The following PRKG1 variants were observed in gnomAD, a reference collection of about 807,000 sequenced individuals.
PRKG1 encodes the protein protein kinase cGMP-dependent 1, also known as cGMP-dependent protein kinase 1.
Under a neutral mutation model 88.1 loss-of-function variants are expected in PRKG1, and 35 were observed. The observed-to-expected ratio is 0.40, with a 90% CI of 0.30 to 0.53. PRKG1 has a LOEUF of 0.53. PRKG1 is among the 20% of genes least tolerant of loss of function. The pLI, the probability that PRKG1 is intolerant of heterozygous loss-of-function variation, is 0.59. For synonymous variants in PRKG1, 303 were observed against 292.5 expected (o/e 1.04, Z -0.37); for missense variants, 540 against 839.8 (o/e 0.64, Z 4.41).
At chr10:51,641,968 G>T (rs1456517016) in intron 3 of PRKG1, among the ~76,000 whole-genome samples, 18 of 152,106 alleles carry the variant, frequency 1.2e-4, no homozygotes, top group Non-Finnish European at 1.5e-5. Flanking sequence ...ATGCAAAGGT[G>T]AAAGGGGGAA....
intron 3 of PRKG1, among the ~76,000 whole-genome samples, chr10:51,590,469 T>G (rs966779360): frequency 4.6e-5 from 7 of 152,330 alleles, no homozygotes; most frequent in Admixed American, 4.6e-4. Context: ...TCTTTTTACT[T>G]TCATATATTC....
chr10:52,241,408 C>G (rs1188530580), intron 9 of PRKG1, among the ~76,000 whole-genome samples: 2 of 152,172 alleles, frequency 1.3e-5, no homozygotes, highest in East Asian at 3.9e-4. Flanking sequence ...CCAATGCAAA[C>G]CCTTCGTTTT....
intron 3 of PRKG1, among the ~76,000 whole-genome samples, chr10:51,595,137 A>C (rs1838411531): frequency 6.6e-6 from 1 of 152,272 alleles, no homozygotes; most frequent in South Asian, 2.1e-4. Flanking sequence ...GCTTGGGTCC[A>C]GCAGCTCAAG....
At chr10:51,400,292 T>G (rs1837701286) in intron 2 of PRKG1, among the ~76,000 whole-genome samples, 1 of 152,024 alleles carries the variant, frequency 6.6e-6, no homozygotes. Context: ...GTAAGAGCAA[T>G]GGAGAAAATA....
chr10:51,073,586 C>A (rs1843868621), upstream of PRKG1, among the ~76,000 whole-genome samples: 1 of 152,070 alleles, frequency 6.6e-6, no homozygotes, highest in Admixed American at 6.5e-5. Context: ...AGCTGAGTGA[C>A]CTGCTAGGGC....
At chr10:51,352,439 T>C (rs1451365954) in intron 2 of PRKG1, among the ~76,000 whole-genome samples, 1 of 152,006 alleles carries the variant, frequency 6.6e-6, no homozygotes, top group African/African-American at 2.4e-5. Context: ...AGTGGTTCTA[T>C]ATGCCAGCAG....
At chr10:51,400,353 G>A (rs1443948902) in intron 2 of PRKG1, among the ~76,000 whole-genome samples, 1 of 152,190 alleles carries the variant, frequency 6.6e-6, no homozygotes, top group African/African-American at 2.4e-5. Flanking sequence ...ACAGTGTTCA[G>A]GGAAGCGTTC....
At chr10:51,244,481 C>A (rs1589274400) in intron 2 of PRKG1, among the ~76,000 whole-genome samples, 3 of 151,982 alleles carry the variant, frequency 2.0e-5, no homozygotes, top group South Asian at 4.2e-4. Flanking sequence ...CTCACACACA[C>A]ACACTCTGCC....
intron 2 of PRKG1, among the ~76,000 whole-genome samples, chr10:51,435,411 A>G (rs1220139281): frequency 1.6e-5 from 2 of 127,366 alleles, no homozygotes; most frequent in African/African-American, 6.8e-5. Context: ...AGGGACACCA[A>G]GGGACATTAC....
At chr10:51,441,624 G>A (rs1256405427) in intron 2 of PRKG1, among the ~76,000 whole-genome samples, 2 of 151,868 alleles carry the variant, frequency 1.3e-5, no homozygotes, top group East Asian at 1.9e-4. Flanking sequence ...AGTTGAGAAC[G>A]GAGACCTGAG....
chr10:51,965,733 T>C (rs1377421198), intron 5 of PRKG1, among the ~76,000 whole-genome samples: 2 of 152,106 alleles, frequency 1.3e-5, no homozygotes, highest in South Asian at 2.1e-4. Context: ...AATTCCAATA[T>C]GAAAAAAATT....
intron 7 of PRKG1, among the ~76,000 whole-genome samples, chr10:52,075,886 C>T (rs573154098): frequency 3.3e-5 from 5 of 152,230 alleles, no homozygotes; most frequent in African/African-American, 1.2e-4. Flanking sequence ...CATGAGGGCC[C>T]CACTTTCATG....
Position 51,181,224 on chromosome 10 carries a change from A to ATTTTTTTTTT in PRKG1, c.478+27913_478+27922dup, listed in dbSNP as rs1223588085. Among the ~76,000 whole-genome samples the ATTTTTTTTTT allele has an allele frequency of 2.3e-3, 178 of 78,290 alleles. 15 individuals are homozygous for ATTTTTTTTTT. Among genetic ancestry groups the ATTTTTTTTTT allele is most frequent in the African/African-American group, 2.5e-3 (49 of 19,812 alleles). The allele number at this position is 78,290 out of a possible 152,430, so 51.4% of individuals were successfully genotyped here. Reference sequence around the variant, plus strand: ...AAGCTGACCAAGATTATTATATAGAATTTTTTTTTTTTTTTTTTTTTTTTT... The same window carrying ATTTTTTTTTT: ...AAGCTGACCAAGATTATTATATAGAATTTTTTTTTTTTTTTTTTTTTTTTTTTTTTTTTTT... On this transcript the variant is annotated intron_variant, in intron 2 of 17. Coordinates refer to ENST00000373980, the MANE Select transcript of PRKG1 (RefSeq NM_006258.4).
chr10:52,054,841 TA>T (rs1186057114), intron 6 of PRKG1, among the ~76,000 whole-genome samples: 1 of 151,992 alleles, frequency 6.6e-6, no homozygotes, highest in East Asian at 1.9e-4. Flanking sequence ...AATAATATAA[TA>T]AAAAAATACC....
intron 6 of PRKG1, among the ~76,000 whole-genome samples, chr10:52,062,040 T>C (rs550399680): frequency 1.3e-5 from 2 of 152,090 alleles, no homozygotes; most frequent in South Asian, 4.2e-4. Flanking sequence ...ATTTACATAA[T>C]GAAACAAAAC....
At chr10:51,415,190 C>T (rs1410899021) in intron 2 of PRKG1, among the ~76,000 whole-genome samples, 1 of 152,152 alleles carries the variant, frequency 6.6e-6, no homozygotes, top group Non-Finnish European at 1.5e-5. Flanking sequence ...GCAGTAGCAT[C>T]CGTTTAGTGA....
intron 2 of PRKG1, among the ~76,000 whole-genome samples, chr10:51,259,669 T>G (rs1839653514): frequency 6.6e-6 from 1 of 152,120 alleles, no homozygotes; most frequent in African/African-American, 2.4e-5. Context: ...AGTGACAGGG[T>G]TTCACCATGT....
intron 2 of PRKG1, among the ~76,000 whole-genome samples, chr10:51,293,833 C>A (rs1437839733): frequency 3.3e-5 from 5 of 152,116 alleles, no homozygotes; most frequent in Admixed American, 2.6e-4. Flanking sequence ...ACATTCCCAC[C>A]AACAAAAGTT....
intron 2 of PRKG1, among the ~76,000 whole-genome samples, chr10:51,217,086 C>T (rs559944555): frequency 4.6e-5 from 7 of 152,100 alleles, no homozygotes; most frequent in African/African-American, 1.4e-4. Context: ...AGTTTAATAC[C>T]CACTGAGGCC....
Sources: gnomAD v4.1 joint callset for allele counts (sites outside exome capture counted in the v4.1 genomes callset) on GRCh38, gnomAD v4.1.1 for gene constraint, MANE v1.5 for transcripts, NCBI Gene and HGNC (gene_info 2026-07-23, HGNC 2026-07-21) for gene names.